AFTPH: variants seen among roughly 807,000 people sequenced by gnomAD.
The protein encoded by AFTPH is aftiphilin, also known as aftiphilin protein.
In AFTPH, 7 loss-of-function variants were observed where a neutral mutation model predicts 72.5. The observed-to-expected ratio is 0.10, with a 90% CI of 0.05 to 0.18. The LOEUF is 0.18. Ranked by LOEUF, AFTPH falls within the 10% of genes least tolerant of loss-of-function variation. AFTPH has a pLI of 1.00. For missense variants in AFTPH, 979 were observed against 1,060.5 expected (o/e 0.92, Z 1.07); for synonymous variants, 337 against 370.1 (o/e 0.91, Z 1.03).
At chr2:64,562,889 T>C (rs185865162) in intron 2 of AFTPH, among the ~76,000 whole-genome samples, 11 of 152,352 alleles carry the variant, frequency 7.2e-5, no homozygotes, top group Middle Eastern at 3.4e-3. Flanking sequence ...CTAAGGAAAC[T>C]AGAGCTCAGC....
chr2:64,536,080 C>T (rs1025153401), intron 1 of AFTPH, among the ~76,000 whole-genome samples: 3 of 152,180 alleles, frequency 2.0e-5, no homozygotes, highest in Non-Finnish European at 2.9e-5. Flanking sequence ...CAAGTGGTTT[C>T]TGTTCACCTT....
At chr2:64,580,689 T>C (rs985037839) in intron 7 of AFTPH, 5 of 152,752 alleles carry the variant, frequency 3.3e-5, no homozygotes, top group African/African-American at 7.2e-5. Flanking sequence ...TTCTTTATTA[T>C]GTTATTTTAT....
At chr2:64,564,638 AAT>A (rs201326024) in intron 2 of AFTPH, among the ~76,000 whole-genome samples, 51,665 of 148,524 alleles carry the variant, frequency 0.35, 8,861 homozygotes, top group South Asian at 0.39. Flanking sequence ...TAAAAAATAA[AAT>A]AAATAAATGC....
chr2:64,584,277 A>T (rs1673373179), intron 7 of AFTPH, among the ~76,000 whole-genome samples: 1 of 152,098 alleles, frequency 6.6e-6, no homozygotes. Flanking sequence ...CATCATTGCT[A>T]TAAATCTGTA....
intron 2 of AFTPH, 110 bp downstream of exon 2, chr2:64,553,519 C>A: frequency 8.3e-7 from 1 of 1,202,572 alleles, no homozygotes; most frequent in Non-Finnish European, 1.1e-6. Flanking sequence ...AAAGGAGTCT[C>A]GTTATGATGT....
chr2:64,584,906 T>C, intron 7 of AFTPH, among the ~76,000 whole-genome samples: 1 of 152,144 alleles, frequency 6.6e-6, no homozygotes, highest in East Asian at 1.9e-4. Flanking sequence ...AGTCATGATA[T>C]ATTTAAACTA....
chr2:64,557,925 C>T (rs1466584939), intron 2 of AFTPH, among the ~76,000 whole-genome samples: 1 of 152,154 alleles, frequency 6.6e-6, no homozygotes, highest in Non-Finnish European at 1.5e-5. Context: ...TATTCAGAAA[C>T]TGTACAGAAG....
At chr2:64,578,400 GAA>G (rs910467176) in intron 6 of AFTPH, among the ~76,000 whole-genome samples, 1 of 151,812 alleles carries the variant, frequency 6.6e-6, no homozygotes, top group Non-Finnish European at 1.5e-5. Context: ...CAAAAGAAAA[GAA>G]AAAAACAACC....
intron 1 of AFTPH, among the ~76,000 whole-genome samples, chr2:64,526,691 C>A (rs545529034): frequency 6.6e-6 from 1 of 152,130 alleles, no homozygotes; most frequent in Non-Finnish European, 1.5e-5. Context: ...ATCATTTTCT[C>A]AGTTTGTGCA....
At chr2:64,539,241 A>C (rs1287462166) in intron 1 of AFTPH, among the ~76,000 whole-genome samples, 3 of 152,212 alleles carry the variant, frequency 2.0e-5, no homozygotes, top group Non-Finnish European at 2.9e-5. Flanking sequence ...TAGTTGGACT[A>C]TCCAGAGTGT....
chr2:64,527,158 A>G (rs1669319609), intron 1 of AFTPH, among the ~76,000 whole-genome samples: 1 of 152,236 alleles, frequency 6.6e-6, no homozygotes, highest in Non-Finnish European at 1.5e-5. Flanking sequence ...ATATCTTTAT[A>G]TCCTTAAAAA....
intron 1 of AFTPH, among the ~76,000 whole-genome samples, chr2:64,526,149 A>G (rs1669251041): frequency 6.6e-6 from 1 of 152,226 alleles, no homozygotes; most frequent in South Asian, 2.1e-4. Context: ...CAAGGATAAT[A>G]TGTCCTTAAT....
intron 1 of AFTPH, among the ~76,000 whole-genome samples, chr2:64,548,428 A>AC (rs1670803598): frequency 6.6e-6 from 1 of 150,378 alleles, no homozygotes; most frequent in Non-Finnish European, 1.5e-5. Flanking sequence ...AAAAAAAAAA[A>AC]AAAAAAACTT....
chr2:64,558,721 G>A (rs1277245718), intron 2 of AFTPH, among the ~76,000 whole-genome samples: 2 of 152,186 alleles, frequency 1.3e-5, no homozygotes, highest in East Asian at 1.9e-4. Context: ...TATGATTATT[G>A]TAGACTTCAC....
chr2:64,586,703 C>T (rs2104245104), intron 8 of AFTPH, among the ~76,000 whole-genome samples: 1 of 152,320 alleles, frequency 6.6e-6, no homozygotes, highest in Middle Eastern at 3.4e-3. Context: ...CTCATAGCCC[C>T]ATGTCTTTGC....
chr2:64,568,238 A>G (rs920222984), intron 3 of AFTPH, among the ~76,000 whole-genome samples: 1 of 152,096 alleles, frequency 6.6e-6, no homozygotes, highest in Non-Finnish European at 1.5e-5. Context: ...TTCCCCATAT[A>G]TCAGTTTTTG....
intron 1 of AFTPH, among the ~76,000 whole-genome samples, chr2:64,542,792 TAG>T (rs1670335868): frequency 1.4e-5 from 2 of 141,730 alleles, no homozygotes; most frequent in South Asian, 2.4e-4. Context: ...TTTTAAAATA[TAG>T]AGTCATATGA....
chr2:64,559,424 A>T (rs1671583280), intron 2 of AFTPH, among the ~76,000 whole-genome samples: 1 of 152,120 alleles, frequency 6.6e-6, no homozygotes. Flanking sequence ...TCTGAGTCCA[A>T]AGCCCTAAGA....
intron 7 of AFTPH, among the ~76,000 whole-genome samples, chr2:64,582,709 C>T (rs1292050321): frequency 1.3e-5 from 2 of 152,124 alleles, no homozygotes; most frequent in Non-Finnish European, 2.9e-5. Context: ...TAAATTTGCT[C>T]TCAGCTTTGT....
Sources: allele counts gnomAD v4.1 joint callset (sites outside exome capture counted in the v4.1 genomes callset), GRCh38; gene constraint gnomAD v4.1.1; transcripts MANE v1.5; gene names NCBI Gene and HGNC (gene_info 2026-07-23, HGNC 2026-07-21).